ARHGAP35: variants seen among roughly 807,000 people sequenced by gnomAD.
ARHGAP35 encodes the protein Rho GTPase activating protein 35.
In ARHGAP35, 15 loss-of-function variants were observed where a neutral mutation model predicts 111.1. The observed-to-expected ratio is 0.13, with a 90% CI of 0.09 to 0.21. ARHGAP35 has a LOEUF of 0.21. Among genes scored for constraint, ARHGAP35 ranks in the 10% least tolerant of loss-of-function variants. The pLI is 1.00. For missense variants in ARHGAP35, 1,262 were observed against 1,873.0 expected (o/e 0.67, Z 6.02); for synonymous variants, 643 against 710.3 (o/e 0.91, Z 1.51).
At chr19:46,888,156 G>A (rs1402593246) in intron 1 of ARHGAP35, among the ~76,000 whole-genome samples, 2 of 148,030 alleles carry the variant, frequency 1.4e-5, no homozygotes, top group African/African-American at 5.0e-5. Flanking sequence ...GTTTCACCAT[G>A]TTAGCCAGGA....
chr19:46,903,651 G>T (rs2056091877), intron 1 of ARHGAP35, among the ~76,000 whole-genome samples: 1 of 152,160 alleles, frequency 6.6e-6, no homozygotes, highest in Admixed American at 6.5e-5. Flanking sequence ...TCCTTCTTAA[G>T]TCCGAGGGCT....
rs1260326941 is a variant in ARHGAP35, at chr19:46,919,678, C to T, written c.1003C>T (p.Arg335Cys). The change falls in exon 2 of 7, where the codon CGT (arginine) becomes TGT (cysteine). Residue 335 changes from arginine (R) to cysteine (C), a missense_variant. Around this residue, in one of 8 missense-constraint regions of ARHGAP35, gnomAD observed 328 missense variants for 440.8 expected, o/e 0.74. Coordinates refer to ENST00000672722, the MANE Select transcript of ARHGAP35 (RefSeq NM_004491.5). This position sits in a 1 kb window ranked among gnomAD's most constrained non-coding sequence, Gnocchi z 6.2. The part of the protein sequence containing the change: ...IHRLKHEHIE[R>C]RRKLYLAALP... ...CCGCCTCAAGCATGAGCATATCGAG[C>T]GTAGGAGAAAGCTGTACCTGGCAGC... The T allele has an allele frequency of 1.9e-6, 3 of 1,613,818 alleles. No homozygotes were observed. Among genetic ancestry groups the T allele is most frequent in the African/African-American group, 1.3e-5 (1 of 74,918 alleles).
Position 46,920,719 on chromosome 19 carries a change from A to G in ARHGAP35, c.2044A>G (p.Arg682Gly). 1 of 1,613,778 alleles carries G rather than the reference A, an allele frequency of 6.2e-7. No homozygotes were observed. The highest frequency in any genetic ancestry group is 8.5e-7 in the Non-Finnish European group (1 of 1,179,790). The change falls in exon 2 of 7, where the codon AGA (arginine) becomes GGA (glycine). Residue 682 changes from arginine to glycine, a missense_variant. By Grantham distance (125) the Arg-to-Gly change is moderately radical. Coordinates refer to ENST00000672722, the MANE Select transcript of ARHGAP35 (RefSeq NM_004491.5). The surrounding 1 kb of genome is among the most constrained non-coding windows in gnomAD (Gnocchi z 7.0). Reference protein sequence around the residue: ...SYVVESIEKSRESTLGRRDNH... With the variant: ...SYVVESIEKSGESTLGRRDNH... ...TGTAGTGGAAAGTATAGAGAAGAGT[A>G]GAGAGTCCACGCTGGGCCGGCGGGA... is the stretch of plus-strand genomic sequence containing the variant.
In ARHGAP35 at chr19:46,922,055, C is replaced by G; in HGVS notation, c.3380C>G (p.Ser1127Cys). ...ITIRNINKAQ[S>C]NGSGNGSDSE... ...ATTCGGAATATCAACAAAGCCCAGT[C>G]CAACGGCAGCGGGAATGGTTCTGAC... is the stretch of plus-strand genomic sequence containing the variant. Residue 1127 changes from serine (S) to cysteine (C), a missense_variant, in exon 2 of 7, where the codon TCC (serine) becomes TGC (cysteine). Ser to Cys is a moderately radical substitution (Grantham distance 112, BLOSUM62 -1). Coordinates refer to ENST00000672722, the MANE Select transcript of ARHGAP35 (RefSeq NM_004491.5). This position sits in a 1 kb window ranked among gnomAD's most constrained non-coding sequence, Gnocchi z 4.0. 6.2e-7 allele frequency: 1 copy of G among 1,614,032 alleles called. No individual in the cohort carries two copies. Among genetic ancestry groups the G allele is most frequent in the Middle Eastern group, 1.6e-4 (1 of 6,062 alleles).
rs1245277391 is a variant in ARHGAP35, at chr19:47,002,057, C to G, written c.*1369C>G. 6.5e-6 allele frequency: 1 copy of G among 153,142 alleles called. No homozygotes were observed. The highest frequency in any genetic ancestry group is 2.4e-5 in the African/African-American group (1 of 41,468). 9.5% of individuals were successfully genotyped at this position (153,142 alleles called of 1,614,324 possible). A position where few individuals can be genotyped will look rare whatever the true frequency, so the allele number is the denominator to read the frequency against. On this transcript the variant is annotated 3_prime_UTR_variant, in exon 7 of 7. Coordinates refer to ENST00000672722, the MANE Select transcript of ARHGAP35 (RefSeq NM_004491.5). ...TCCCACTGCCCCAGGAAAAGCTCTT[C>G]TCCTGGCCACCTCTGCCCCCCAGCA...
chr19:46,895,759 C>T (rs2056051577), intron 1 of ARHGAP35, among the ~76,000 whole-genome samples: 1 of 152,114 alleles, frequency 6.6e-6, no homozygotes, highest in African/African-American at 2.4e-5. Flanking sequence ...TCCCAATGCC[C>T]TTGTCTGTGA....
chr19:46,928,804 C>T (rs929268220), intron 2 of ARHGAP35, among the ~76,000 whole-genome samples: 15 of 151,870 alleles, frequency 9.9e-5, no homozygotes, highest in Admixed American at 5.9e-4. Flanking sequence ...TGGTGGTGGA[C>T]GCCTATAATC....
At chr19:46,931,290 C>G (rs1051157278) in intron 2 of ARHGAP35, among the ~76,000 whole-genome samples, 3 of 152,162 alleles carry the variant, frequency 2.0e-5, no homozygotes, top group Non-Finnish European at 2.9e-5. Context: ...CACGTCAGGC[C>G]CTGGAACCCA....
At chr19:46,894,648 G>C (rs182409130) in intron 1 of ARHGAP35, among the ~76,000 whole-genome samples, 14 of 152,094 alleles carry the variant, frequency 9.2e-5, no homozygotes, top group African/African-American at 3.4e-4. Context: ...ATTTCACCAT[G>C]TTGACCAGGC....
Position 47,000,316 on chromosome 19 carries a change from T to C in ARHGAP35, c.4143-15T>C. 1 of 1,611,910 alleles carries C rather than the reference T, an allele frequency of 6.2e-7. No individual in the cohort carries two copies. Among genetic ancestry groups the C allele is most frequent in the Non-Finnish European group, 8.5e-7 (1 of 1,178,704 alleles). ...CCTGCACAGTTCTGACCATTGAGTT[T>C]GGTGTCGCCCGCAGGGTCAGCCACA... On this transcript the variant is annotated splice_polypyrimidine_tract_variant and intron_variant, in intron 6 of 6. Coordinates refer to ENST00000672722, the MANE Select transcript of ARHGAP35 (RefSeq NM_004491.5). The surrounding 1 kb of genome is among the most constrained non-coding windows in gnomAD (Gnocchi z 6.9).
chr19:46,975,564 A>G (rs2056575393), intron 3 of ARHGAP35, among the ~76,000 whole-genome samples: 2 of 152,166 alleles, frequency 1.3e-5, no homozygotes, highest in Admixed American at 1.3e-4. Context: ...ATTAATCTCA[A>G]AGTAATGCTA....
rs1369446473 is a variant in ARHGAP35, at chr19:46,919,741, G to A, written c.1066G>A (p.Asp356Asn). Residue 356 changes from aspartate to asparagine, a missense_variant, in exon 2 of 7, where the codon GAT (aspartate) becomes AAT (asparagine). By Grantham distance (23) the Asp-to-Asn change is conservative (BLOSUM62 1). Transcript: ENST00000672722. The surrounding 1 kb of genome is among the most constrained non-coding windows in gnomAD (Gnocchi z 6.2). ...LAFEALIPNL[D>N]EIDHLSCIKA... The stretch of plus-strand genomic sequence containing the variant: ...TTTTGAAGCTCTTATACCTAATCTA[G>A]ATGAAATAGACCACCTAAGCTGCAT... 3.7e-6 allele frequency: 6 copies of A among 1,613,888 alleles called. No individual in the cohort carries two copies. Among genetic ancestry groups the A allele is most frequent in the East Asian group, 4.5e-5 (2 of 44,900 alleles).
At chr19:46,915,396 G>A (rs1374950371) in intron 1 of ARHGAP35, among the ~76,000 whole-genome samples, 2 of 152,074 alleles carry the variant, frequency 1.3e-5, no homozygotes, top group African/African-American at 4.8e-5. Context: ...TGCATACTAC[G>A]TCTAGTCACA....
At chr19:46,937,671 C>T (rs927444362) in intron 3 of ARHGAP35, among the ~76,000 whole-genome samples, 7 of 152,214 alleles carry the variant, frequency 4.6e-5, no homozygotes, top group African/African-American at 1.4e-4. Flanking sequence ...GCTGCTTGGG[C>T]GCTTTCTCTG....
In ARHGAP35 at chr19:46,921,114, T is replaced by C. The variant is rs754599800; in HGVS notation, c.2439T>C (p.His813=). Residue 813 remains histidine, a synonymous_variant, in exon 2 of 7, where the codon CAT becomes CAC. Coordinates refer to ENST00000672722, the MANE Select transcript of ARHGAP35 (RefSeq NM_004491.5). The surrounding 1 kb of genome is among the most constrained non-coding windows in gnomAD (Gnocchi z 4.3). The part of the protein sequence containing the change: ...VLQSQTCKSS[H]CGSNNSVLLE... The stretch of plus-strand genomic sequence containing the variant: ...AGTCCCAAACCTGTAAATCTTCCCA[T>C]TGTGGAAGCAACAACTCTGTTTTAC... 5.6e-6 allele frequency: 9 copies of C among 1,613,886 alleles called. No individual in the cohort carries two copies. In the East Asian group the frequency reaches 1.8e-4, roughly 32 times the overall value.
chr19:46,967,421 T>C (rs1023412691), intron 3 of ARHGAP35, among the ~76,000 whole-genome samples: 3 of 152,156 alleles, frequency 2.0e-5, no homozygotes, highest in Non-Finnish European at 4.4e-5. Flanking sequence ...GTCAGTCCCA[T>C]TGTTTTTACC....
chr19:46,939,538 T>C (rs891375202), intron 3 of ARHGAP35, among the ~76,000 whole-genome samples: 2 of 151,948 alleles, frequency 1.3e-5, no homozygotes, highest in African/African-American at 4.8e-5. Flanking sequence ...GGCTCCTGAG[T>C]AGCTAGGATT....
At chr19:46,862,795 G>A (rs2055835842) in intron 1 of ARHGAP35, among the ~76,000 whole-genome samples, 2 of 152,042 alleles carry the variant, frequency 1.3e-5, no homozygotes, top group Non-Finnish European at 2.9e-5. Context: ...CCACATGACA[G>A]TCTCTTCCCC....
In ARHGAP35 at chr19:46,956,956, C is replaced by CTTTTTTTT. The variant is rs11449203; in HGVS notation, c.3826+19562_3826+19569dup. 1.5e-4 allele frequency among the ~76,000 whole-genome samples: 16 copies of CTTTTTTTT among 107,618 alleles called. 2 individuals are homozygous for CTTTTTTTT. The highest frequency in any genetic ancestry group is 2.7e-4 in the Non-Finnish European group (15 of 54,716). 70.6% of individuals were successfully genotyped at this position (107,618 alleles called of 152,430 possible). ...TATCATTAGCTGTTCTTAAAGCAGA[C>CTTTTTTTT]TTTTTTTTTTTTTTTTTTTTTGAGA... On this transcript the variant is annotated intron_variant, in intron 3 of 6. Transcript: ENST00000672722.
Sources: gnomAD v4.1 joint callset for allele counts (sites outside exome capture counted in the v4.1 genomes callset) on GRCh38, gnomAD v4.1.1 for gene constraint, gnomAD v4.1.1 regional missense constraint, Gnocchi (gnomAD v3.1) non-coding constraint, MANE v1.5 for transcripts, NCBI Gene and HGNC (gene_info 2026-07-23, HGNC 2026-07-21) for gene names.